CYP2J2: variants seen among roughly 807,000 people sequenced by gnomAD.
CYP2J2 encodes the protein cytochrome P450 family 2 subfamily J member 2.
A neutral mutation model predicts 48.8 loss-of-function variants in CYP2J2; 41 were observed. The observed-to-expected ratio is 0.84, with a 90% CI of 0.66 to 1.09. The LOEUF (loss-of-function observed/expected upper bound fraction) is 1.09, where lower values mean the gene tolerates loss of function less well. Ranked by LOEUF, CYP2J2 falls within the 50% of genes least tolerant of loss-of-function variation. The probability of loss-of-function intolerance (pLI) is 0.00; values close to 1 mark genes in which losing one functional copy is unlikely to be tolerated. For synonymous variants in CYP2J2, 221 were observed against 227.1 expected, an observed-to-expected ratio of 0.97 and a Z score of 0.24; for missense variants, 644 against 617.3, an observed-to-expected ratio of 1.04 and a Z score of -0.46.
At chr1:59,941,439 CATA>C in the CYP2J2 span, among the ~76,000 whole-genome samples, 1 of 152,148 alleles carries the variant, frequency 6.6e-6, no homozygotes, top group Admixed American at 6.5e-5. Context: ...ATGTACAGTA[CATA>C]ATGCTTGCTA....
chr1:59,932,128 G>A, the CYP2J2 span, among the ~76,000 whole-genome samples: 1 of 152,018 alleles, frequency 6.6e-6, no homozygotes, highest in African/African-American at 2.4e-5. Flanking sequence ...ATAACTGTAA[G>A]CAAATTTAAC....
chr1:59,965,903 C>T, the CYP2J2 span, among the ~76,000 whole-genome samples: 1 of 152,152 alleles, frequency 6.6e-6, no homozygotes, highest in Non-Finnish European at 1.5e-5. Flanking sequence ...CCACCTGCCT[C>T]AGCCTCCCAA....
the CYP2J2 span, among the ~76,000 whole-genome samples, chr1:59,939,970 G>A: frequency 3.9e-5 from 6 of 152,060 alleles, no homozygotes; most frequent in Admixed American, 6.5e-5. Context: ...TCACCTTTTA[G>A]GGCAGTGGGT....
chr1:59,948,547 G>C, the CYP2J2 span, among the ~76,000 whole-genome samples: 1 of 152,142 alleles, frequency 6.6e-6, no homozygotes, highest in African/African-American at 2.4e-5. Flanking sequence ...TACTCATATT[G>C]TTATTAGATT....
chr1:59,966,187 T>C, the CYP2J2 span, among the ~76,000 whole-genome samples: 1 of 152,206 alleles, frequency 6.6e-6, no homozygotes, highest in Non-Finnish European at 1.5e-5. Flanking sequence ...TGGTTAAGCT[T>C]GATTCTGTCT....
At chr1:59,965,519 TGAC>T in the CYP2J2 span, among the ~76,000 whole-genome samples, 1 of 152,244 alleles carries the variant, frequency 6.6e-6, no homozygotes, top group Non-Finnish European at 1.5e-5. Flanking sequence ...TCGGCAAAGT[TGAC>T]GACATGGACT....
At chr1:59,945,551 C>T in the CYP2J2 span, among the ~76,000 whole-genome samples, 4 of 152,078 alleles carry the variant, frequency 2.6e-5, no homozygotes, top group Admixed American at 2.6e-4. Flanking sequence ...CTAATATGAG[C>T]CTTTTTTAAA....
the CYP2J2 span, among the ~76,000 whole-genome samples, chr1:59,960,395 G>A: frequency 6.6e-6 from 1 of 152,172 alleles, no homozygotes; most frequent in Non-Finnish European, 1.5e-5. Flanking sequence ...GCAGGAAAGT[G>A]TTAATTCCAC....
chr1:59,944,002 A>C, the CYP2J2 span, among the ~76,000 whole-genome samples: 1 of 152,228 alleles, frequency 6.6e-6, no homozygotes, highest in African/African-American at 2.4e-5. Context: ...GCATTTGTAT[A>C]CTTAGTGGCC....
In CYP2J2 at chr1:59,900,868, G is replaced by A. The variant is rs1425493520; in HGVS notation, c.1330+97C>T. The A allele has an allele frequency of 8.5e-6, 12 of 1,411,012 alleles. No individual in the cohort carries two copies. The East Asian group carries it at 2.8e-4, about 33-fold the overall frequency. 87.4% of individuals were successfully genotyped at this position (1,411,012 alleles called of 1,614,324 possible). A position where few individuals can be genotyped will look rare whatever the true frequency, so the allele number is the denominator to read the frequency against. ...GTGAGTCGCACTGGCCAGGCTGTCT[G>A]GAGACATTCCAATGAAAACAAGGGA... On this transcript the variant is annotated intron_variant, in intron 8 of 8. Coordinates refer to ENST00000371204, the MANE Select transcript of CYP2J2 (RefSeq NM_000775.4).
the CYP2J2 span, among the ~76,000 whole-genome samples, chr1:59,941,550 T>G: frequency 6.6e-6 from 1 of 152,248 alleles, no homozygotes; most frequent in Non-Finnish European, 1.5e-5. Context: ...AAGTTAACTG[T>G]AAAATAGTCC....
chr1:59,927,734 G>A (rs930588931), upstream of CYP2J2, among the ~76,000 whole-genome samples: 7 of 152,032 alleles, frequency 4.6e-5, no homozygotes, highest in African/African-American at 1.7e-4. Flanking sequence ...CACCATGCCC[G>A]GCTAATTTTT....
At chr1:59,943,327 G>C in the CYP2J2 span, among the ~76,000 whole-genome samples, 5 of 152,188 alleles carry the variant, frequency 3.3e-5, no homozygotes, top group Non-Finnish European at 7.3e-5. Context: ...CCAGCCGAAT[G>C]GAGAAAGAGA....
chr1:59,921,709 C>T (rs138070021), intron 1 of CYP2J2, among the ~76,000 whole-genome samples: 6 of 150,616 alleles, frequency 4.0e-5, no homozygotes, highest in African/African-American at 9.8e-5. Context: ...GCTAGACAAC[C>T]GGTTAGACCA....
intron 1 of CYP2J2, among the ~76,000 whole-genome samples, chr1:59,916,663 T>C (rs1336245202): frequency 1.3e-5 from 2 of 151,990 alleles, no homozygotes; most frequent in African/African-American, 4.8e-5. Context: ...AGCCTGAGAG[T>C]TTGAGCCTGC....
chr1:59,951,985 G>C, the CYP2J2 span, among the ~76,000 whole-genome samples: 1 of 152,058 alleles, frequency 6.6e-6, no homozygotes, highest in South Asian at 2.1e-4. Context: ...CATAATATCA[G>C]GGGTAGGGTC....
At chr1:59,933,837 A>G in the CYP2J2 span, among the ~76,000 whole-genome samples, 13,126 of 152,240 alleles carry the variant, frequency 0.086, 774 homozygotes, top group East Asian at 0.16. Flanking sequence ...AATGTCATCC[A>G]TATCAAAATC....
In CYP2J2 at chr1:59,893,654, C is replaced by A; in HGVS notation, c.1506G>T (p.Val502=). 1 of 1,599,250 alleles carries A rather than the reference C, an allele frequency of 6.3e-7. No individual in the cohort carries two copies. Among genetic ancestry groups the A allele is most frequent in the Non-Finnish European group, 8.5e-7 (1 of 1,173,796 alleles). The part of the protein sequence containing the change: ...VSHRLCAVPQ[V] ...GCCCCTTTCTTTCTTAACAATATTA[C>A]ACCTGAGGAACAGCGCAGAGGCGGT... Residue 502 remains valine, a synonymous_variant, in exon 9 of 9, where the codon GTG becomes GTT. Coordinates refer to ENST00000371204, the MANE Select transcript of CYP2J2 (RefSeq NM_000775.4).
At chr1:59,907,457 C>T (rs1237249968) in intron 6 of CYP2J2, among the ~76,000 whole-genome samples, 1 of 152,150 alleles carries the variant, frequency 6.6e-6, no homozygotes, top group African/African-American at 2.4e-5. Flanking sequence ...GAAGGCATCA[C>T]TTAAAAGAAG....
Sources: allele counts gnomAD v4.1 joint callset (sites outside exome capture counted in the v4.1 genomes callset), GRCh38; gene constraint gnomAD v4.1.1; transcripts MANE v1.5; gene names NCBI Gene and HGNC (gene_info 2026-07-23, HGNC 2026-07-21).